The following ROBO2 variants were observed in gnomAD, a reference collection of about 807,000 sequenced individuals.
ROBO2 encodes the protein roundabout homolog 2.
In ROBO2, 53 loss-of-function variants were observed where a neutral mutation model predicts 160.8. That is an observed-to-expected ratio of 0.33 (90% CI 0.26 to 0.41). ROBO2 has a LOEUF of 0.41. ROBO2 is among the 10% of genes least tolerant of loss of function. ROBO2 has a pLI of 1.00. For synonymous variants in ROBO2, 664 were observed against 611.7 expected (o/e 1.09, Z -1.26); for missense variants, 1,577 against 1,722.4 (o/e 0.92, Z 1.49).
At position 77,183,861 on chromosome 3, in the gene ROBO2, C is replaced by T. The variant is rs115347178; in HGVS notation, c.388+85521C>T. 6.3e-3 allele frequency among the ~76,000 whole-genome samples: 960 copies of T among 152,102 alleles called. 10 individuals carry two copies. Among genetic ancestry groups the T allele is most frequent in the African/African-American group, 0.022 (914 of 41,524 alleles). Reference sequence around the variant, plus strand: ...TTGATTAACTTTCTTTTCATGTTTTCAAATGATATGCCACAATTCACAAGT... The same window carrying T: ...TTGATTAACTTTCTTTTCATGTTTTTAAATGATATGCCACAATTCACAAGT... On this transcript the variant is annotated intron_variant, in intron 2 of 25. Transcript: ENST00000461745.
intron 2 of ROBO2, among the ~76,000 whole-genome samples, chr3:76,981,976 G>T (rs1201102491): frequency 6.6e-6 from 1 of 152,106 alleles, no homozygotes; most frequent in East Asian, 1.9e-4. Context: ...TTCCCACCAG[G>T]TGCCATCTCC....
At chr3:77,378,111 T>C (rs959944933) in intron 2 of ROBO2, among the ~76,000 whole-genome samples, 1 of 152,206 alleles carries the variant, frequency 6.6e-6, no homozygotes, top group East Asian at 1.9e-4. Context: ...ATATGTTCTA[T>C]GCTTTCTAAA....
intron 2 of ROBO2, among the ~76,000 whole-genome samples, chr3:77,353,972 C>T (rs1251643684): frequency 6.6e-6 from 1 of 152,154 alleles, no homozygotes; most frequent in East Asian, 1.9e-4. Flanking sequence ...ACCACTGCTC[C>T]TTCAACTCCA....
exon 20 of ROBO2, chr3:77,602,268 A>T: frequency 6.2e-7 from 1 of 1,614,160 alleles, no homozygotes; most frequent in South Asian, 1.1e-5. Context: ...TCTCAGATGG[A>T]GCCATTTATA....
chr3:77,232,740 C>T (rs533049119), intron 2 of ROBO2, among the ~76,000 whole-genome samples: 1 of 152,162 alleles, frequency 6.6e-6, no homozygotes, highest in South Asian at 2.1e-4. Flanking sequence ...GATGGTCTAA[C>T]TTGTACTTTG....
intron 2 of ROBO2, among the ~76,000 whole-genome samples, chr3:77,187,373 G>T (rs536308267): frequency 6.6e-6 from 1 of 151,900 alleles, no homozygotes; most frequent in East Asian, 1.9e-4. Context: ...TATCCCAAAG[G>T]CCCAACATCC....
chr3:76,606,900 G>A (rs2087705310), intron 2 of ROBO2, among the ~76,000 whole-genome samples: 1 of 151,780 alleles, frequency 6.6e-6, no homozygotes, highest in Admixed American at 6.6e-5. Flanking sequence ...TGTATTTTGA[G>A]TTCTTATATA....
rs553408048 is a variant in ROBO2 at position 76,527,468 on chromosome 3, A to T, written c.110-570546A>T. ...ATCTGAGCATATTTAATTCTATTTC[A>T]TATTGCAAACTTTCTAATTTATTCT... On this transcript the variant is annotated intron_variant, in intron 2 of 26. Coordinates refer to the ROBO2 transcript ENST00000487694. Among the ~76,000 whole-genome samples the T allele has an allele frequency of 2.6e-5, 4 of 152,084 alleles. No individual in the cohort carries two copies. In the South Asian group the frequency reaches 6.2e-4, roughly 24 times the overall value.
At chr3:76,758,468 A>ATGTC (rs2061113079) in intron 2 of ROBO2, among the ~76,000 whole-genome samples, 1 of 151,838 alleles carries the variant, frequency 6.6e-6, no homozygotes, top group African/African-American at 2.4e-5. Flanking sequence ...TAACTACCTT[A>ATGTC]TGTCTCATTG....
chr3:76,792,379 G>A (rs1230283732), intron 2 of ROBO2, among the ~76,000 whole-genome samples: 2 of 151,616 alleles, frequency 1.3e-5, no homozygotes, highest in East Asian at 1.9e-4. Context: ...ATCCTCGGGG[G>A]TCCTGGGACC....
chr3:77,276,195 A>G (rs2153363677), intron 2 of ROBO2, among the ~76,000 whole-genome samples: 1 of 146,566 alleles, frequency 6.8e-6, no homozygotes, highest in Admixed American at 6.9e-5. Context: ...ATAAGAGTTA[A>G]TAAGTTGTAA....
chr3:77,411,772 A>G (rs2076823320), intron 2 of ROBO2, among the ~76,000 whole-genome samples: 1 of 152,198 alleles, frequency 6.6e-6, no homozygotes, highest in Non-Finnish European at 1.5e-5. Context: ...CTGGCTGTTT[A>G]TGGGGAGGAG....
chr3:76,961,268 A>C (rs1024137464), intron 2 of ROBO2, among the ~76,000 whole-genome samples: 3 of 150,502 alleles, frequency 2.0e-5, no homozygotes, highest in Non-Finnish European at 4.4e-5. Flanking sequence ...AAAAAAAAAA[A>C]CACTAGTTTA....
intron 2 of ROBO2, among the ~76,000 whole-genome samples, chr3:77,393,880 T>C (rs1261448618): frequency 6.6e-6 from 1 of 152,062 alleles, no homozygotes; most frequent in Non-Finnish European, 1.5e-5. Context: ...TATATGGTAA[T>C]TTATTAAAAT....
intron 2 of ROBO2, among the ~76,000 whole-genome samples, chr3:77,142,116 C>T (rs1461475226): frequency 6.6e-6 from 1 of 152,120 alleles, no homozygotes; most frequent in Non-Finnish European, 1.5e-5. Flanking sequence ...TCCTTCCACC[C>T]CCTTTCTCAT....
intron 2 of ROBO2, among the ~76,000 whole-genome samples, chr3:76,141,159 C>CTCTCTCTATATATA (rs1364431015): frequency 1.1e-4 from 1 of 9,174 alleles, no homozygotes; most frequent in African/African-American, 4.3e-4. Flanking sequence ...CTCTCTCTCT[C>CTCTCTCTATATATA]TATATATATA....
At chr3:76,086,261 T>A (rs115403792) in intron 2 of ROBO2, among the ~76,000 whole-genome samples, 1 of 152,202 alleles carries the variant, frequency 6.6e-6, no homozygotes, top group African/African-American at 2.4e-5. Flanking sequence ...GAAAAGCCCC[T>A]TATAAAACCA....
At chr3:76,272,810 T>TAAAATATAA (rs1320485462) in intron 2 of ROBO2, among the ~76,000 whole-genome samples, 1 of 56,338 alleles carries the variant, frequency 1.8e-5, no homozygotes, top group Admixed American at 3.8e-4. Flanking sequence ...ATAAAATATA[T>TAAAATATAA]AATATGTATT....
intron 7 of ROBO2, among the ~76,000 whole-genome samples, chr3:77,547,911 CTAAAG>C (rs1288356841): frequency 6.6e-6 from 1 of 151,822 alleles, no homozygotes; most frequent in African/African-American, 2.4e-5. Flanking sequence ...GTCTCAGACT[CTAAAG>C]TAAGTGTAAG....
Sources: allele counts gnomAD v4.1 joint callset (sites outside exome capture counted in the v4.1 genomes callset), GRCh38; gene constraint gnomAD v4.1.1; transcripts MANE v1.5; gene names NCBI Gene and HGNC (gene_info 2026-07-23, HGNC 2026-07-21).